The following PARPBP variants were observed in gnomAD, a reference collection of about 807,000 sequenced individuals.
The protein encoded by PARPBP is PARP1 binding protein, also known as PCNA-interacting partner.
In PARPBP, 52 loss-of-function variants were observed where a neutral mutation model predicts 50.0. That is an observed-to-expected ratio of 1.04 (90% CI 0.83 to 1.31). The LOEUF (loss-of-function observed/expected upper bound fraction) is 1.31. Among genes scored for constraint, PARPBP ranks in the 50% most tolerant of loss-of-function variants. PARPBP has a pLI of 0.00. For synonymous variants in PARPBP, 244 were observed against 232.1 expected (o/e 1.05, Z -0.47); for missense variants, 697 against 672.0 (o/e 1.04, Z -0.41).
chr12:102,128,257 AG>A (rs1882312317), intron 2 of PARPBP, among the ~76,000 whole-genome samples: 1 of 151,450 alleles, frequency 6.6e-6, no homozygotes, highest in Non-Finnish European at 1.5e-5. Flanking sequence ...TTTTTGATGG[AG>A]TCTCACTCTG....
chr12:102,152,062 A>C, intron 3 of PARPBP: 1 of 407,536 alleles, frequency 2.5e-6, no homozygotes. Context: ...TCTTCCTAAA[A>C]ACCAAAGAAT....
intron 2 of PARPBP, among the ~76,000 whole-genome samples, chr12:102,143,313 C>T (rs1028270978): frequency 1.3e-5 from 2 of 152,154 alleles, no homozygotes; most frequent in African/African-American, 2.4e-5. Context: ...TGCTGGTGTG[C>T]CGTTTGCTAA....
At position 102,165,430 on chromosome 12, in the gene PARPBP, C is replaced by T. The variant is rs531010736; in HGVS notation, c.667-299C>T. Among the ~76,000 whole-genome samples the T allele has an allele frequency of 2.6e-5, 4 of 152,218 alleles. No individual in the cohort carries two copies. The South Asian group carries it at 8.3e-4, about 32-fold the overall frequency. On this transcript the variant is annotated intron_variant, in intron 5 of 10. Transcript: ENST00000327680. ...ATTATAATATATTCATAAATGAGTT[C>T]TTTAGAGTCAATAATACATTCTAAT...
chr12:102,173,629 C>A (rs1565893347), intron 6 of PARPBP, among the ~76,000 whole-genome samples: 1 of 151,788 alleles, frequency 6.6e-6, no homozygotes, highest in Admixed American at 6.6e-5. Flanking sequence ...ATATAAAATA[C>A]ATAGAATAAA....
chr12:102,150,498 A>G (rs2138832395), intron 3 of PARPBP: 3 of 333,248 alleles, frequency 9.0e-6, no homozygotes, highest in Middle Eastern at 2.2e-3. Context: ...GAATTAAGAT[A>G]AAGCTAAGTC....
At chr12:102,157,209 A>G (rs1165406217) in intron 4 of PARPBP, among the ~76,000 whole-genome samples, 1 of 152,204 alleles carries the variant, frequency 6.6e-6, no homozygotes, top group Non-Finnish European at 1.5e-5. Flanking sequence ...AAAGTGTTTT[A>G]TATGTGCATC....
intron 9 of PARPBP, among the ~76,000 whole-genome samples, chr12:102,184,986 A>C (rs1204887412): frequency 3.9e-5 from 6 of 152,186 alleles, no homozygotes; most frequent in African/African-American, 1.4e-4. Context: ...AAGGTAGAAA[A>C]TAATTAGATA....
At chr12:102,165,282 G>T (rs1054199581) in intron 5 of PARPBP, among the ~76,000 whole-genome samples, 9 of 152,152 alleles carry the variant, frequency 5.9e-5, no homozygotes, top group African/African-American at 2.4e-5. Flanking sequence ...TTTACAAATA[G>T]AGAGGCTGAG....
intron 2 of PARPBP, among the ~76,000 whole-genome samples, chr12:102,133,228 CT>C (rs1354230099): frequency 6.6e-6 from 1 of 152,092 alleles, no homozygotes; most frequent in Non-Finnish European, 1.5e-5. Context: ...TGTTCCTGAT[CT>C]TAAAGGGAAA....
At chr12:102,146,369 A>C (rs1242585771) in intron 2 of PARPBP, among the ~76,000 whole-genome samples, 1 of 152,206 alleles carries the variant, frequency 6.6e-6, no homozygotes, top group East Asian at 1.9e-4. Flanking sequence ...CAAAACAGAG[A>C]TATAGATCAA....
chr12:102,151,852 C>T, intron 3 of PARPBP: 2 of 1,295,092 alleles, frequency 1.5e-6, no homozygotes, highest in Non-Finnish European at 2.2e-6. Context: ...AGCCACCTGG[C>T]ACCAACTCAC....
At chr12:102,164,400 C>G (rs1331787424) in intron 4 of PARPBP, 38 bp from the exon 5 acceptor site, 1 of 1,460,652 alleles carries the variant, frequency 6.8e-7, no homozygotes, top group Admixed American at 1.8e-5. Flanking sequence ...TTTAGAAGAA[C>G]TGCAATAAAG....
In PARPBP at chr12:102,139,250, A is replaced by G. The variant is rs377041203; in HGVS notation, c.154-8980A>G. ...TAGGTATTTTATTCTCTTTGTAGCA[A>G]TTGTGAATGAGAGTTCACTCATGAT... On this transcript the variant is annotated intron_variant, in intron 2 of 10. Coordinates refer to ENST00000327680, the MANE Select transcript of PARPBP (RefSeq NM_017915.5). Among the ~76,000 whole-genome samples, 18 of 152,260 alleles carry G rather than the reference A, an allele frequency of 1.2e-4. 1 individual carries two copies. The highest frequency in any genetic ancestry group is 2.0e-4 in the Admixed American group (3 of 15,300).
chr12:102,143,544 C>G (rs1229659634), intron 2 of PARPBP, among the ~76,000 whole-genome samples: 1 of 152,234 alleles, frequency 6.6e-6, no homozygotes, highest in Non-Finnish European at 1.5e-5. Context: ...ATGCAGAAAT[C>G]ACTCATCTTC....
At chr12:102,169,132 T>C (rs1302301230) in intron 6 of PARPBP, among the ~76,000 whole-genome samples, 1 of 152,172 alleles carries the variant, frequency 6.6e-6, no homozygotes, top group Non-Finnish European at 1.5e-5. Flanking sequence ...TTTTTCCCTC[T>C]ACTGAAGCTA....
At chr12:102,120,979 A>G (rs1334426080) in intron 1 of PARPBP, among the ~76,000 whole-genome samples, 6 of 152,160 alleles carry the variant, frequency 3.9e-5, no homozygotes, top group East Asian at 1.9e-4. Context: ...TTGGAATCCA[A>G]TTTTTTAAAA....
intron 9 of PARPBP, among the ~76,000 whole-genome samples, chr12:102,182,983 TTTTAAATTTG>T (rs1594616570): frequency 6.6e-6 from 1 of 152,206 alleles, no homozygotes; most frequent in East Asian, 1.9e-4. Flanking sequence ...AGATATGTGA[TTTTAAATTTG>T]CTCCTGTCTG....
At chr12:102,161,376 G>C (rs1887570181) in intron 4 of PARPBP, among the ~76,000 whole-genome samples, 2 of 152,072 alleles carry the variant, frequency 1.3e-5, no homozygotes, top group Non-Finnish European at 2.9e-5. Flanking sequence ...CTAGTGGTGG[G>C]ATTACAGGTG....
intron 4 of PARPBP, among the ~76,000 whole-genome samples, chr12:102,160,242 C>T: frequency 6.6e-6 from 1 of 152,148 alleles, no homozygotes; most frequent in South Asian, 2.1e-4. Flanking sequence ...TGTGAGGACT[C>T]CAAGATGTTT....
Sources: allele counts gnomAD v4.1 joint callset (sites outside exome capture counted in the v4.1 genomes callset), GRCh38; gene constraint gnomAD v4.1.1; transcripts MANE v1.5; gene names NCBI Gene and HGNC (gene_info 2026-07-23, HGNC 2026-07-21).